HS6ST3: variants seen among roughly 807,000 people sequenced by gnomAD.
HS6ST3 encodes the protein heparan-sulfate 6-O-sulfotransferase 3.
A neutral mutation model predicts 36.7 loss-of-function variants in HS6ST3; 12 were observed. The ratio of observed to expected loss-of-function variants is 0.33; its 90% CI spans 0.21 to 0.53. HS6ST3 has a LOEUF of 0.53. Ranked by LOEUF, HS6ST3 falls within the 20% of genes least tolerant of loss-of-function variation. The pLI is 0.95. For synonymous variants in HS6ST3, 240 were observed against 257.5 expected (o/e 0.93, Z 0.65); for missense variants, 584 against 640.9 (o/e 0.91, Z 0.96).
At chr13:96,242,386 T>A (rs1467502451) in intron 1 of HS6ST3, among the ~76,000 whole-genome samples, 2 of 151,802 alleles carry the variant, frequency 1.3e-5, no homozygotes, top group Non-Finnish European at 2.9e-5. Flanking sequence ...CTGGATAATT[T>A]TTTGTCTTTT....
chr13:96,169,171 G>T (rs1159761803), intron 1 of HS6ST3, among the ~76,000 whole-genome samples: 1 of 152,098 alleles, frequency 6.6e-6, no homozygotes, highest in African/African-American at 2.4e-5. Context: ...TGAAGATTTT[G>T]CTGAGCTCTG....
At chr13:96,446,001 T>A (rs1038292059) in intron 1 of HS6ST3, among the ~76,000 whole-genome samples, 1 of 151,932 alleles carries the variant, frequency 6.6e-6, no homozygotes, top group Non-Finnish European at 1.5e-5. Flanking sequence ...TGAAACCCCG[T>A]CTCTACTAAA....
chr13:96,493,090 T>C (rs1015851464), intron 1 of HS6ST3, among the ~76,000 whole-genome samples: 1 of 152,222 alleles, frequency 6.6e-6, no homozygotes, highest in African/African-American at 2.4e-5. Flanking sequence ...TGTTTCTTGC[T>C]GTTTAGCTCA....
chr13:96,608,032 A>G (rs2056445035), intron 1 of HS6ST3, among the ~76,000 whole-genome samples: 2 of 152,194 alleles, frequency 1.3e-5, no homozygotes, highest in African/African-American at 4.8e-5. Flanking sequence ...AAAGTTGCCA[A>G]CTGAATTTGA....
intron 1 of HS6ST3, among the ~76,000 whole-genome samples, chr13:96,358,444 C>T (rs1456556439): frequency 1.3e-5 from 2 of 152,056 alleles, no homozygotes; most frequent in African/African-American, 2.4e-5. Context: ...TATGTTACAT[C>T]TGGTCTCATC....
At chr13:96,549,428 G>T (rs76557252) in intron 1 of HS6ST3, among the ~76,000 whole-genome samples, 1,826 of 152,238 alleles carry the variant, frequency 0.012, 19 homozygotes, top group Non-Finnish European at 0.019. Context: ...CAGTAGATTG[G>T]AATATTAAAT....
rs1443924737 is a variant in HS6ST3, at chr13:96,276,192, T to C, written c.707+184623T>C. ...CACTAGGAGTCAGAAGTAAATTTAC[T>C]ATCCCGCTTGTCTAAGCAGCCCACC... On this transcript the variant is annotated intron_variant, in intron 1 of 1. Coordinates refer to ENST00000376705, the MANE Select transcript of HS6ST3 (RefSeq NM_153456.4). Among the ~76,000 whole-genome samples the C allele has an allele frequency of 6.6e-5, 10 of 152,270 alleles. No individual in the cohort carries two copies. The East Asian group carries it at 9.6e-4, about 15-fold the overall frequency.
intron 1 of HS6ST3, among the ~76,000 whole-genome samples, chr13:96,248,542 A>C (rs954085430): frequency 6.6e-6 from 1 of 152,218 alleles, no homozygotes; most frequent in African/African-American, 2.4e-5. Context: ...TGTGTACTGC[A>C]TACAAACATA....
At chr13:96,829,631 C>G (rs1448204076) in intron 1 of HS6ST3, among the ~76,000 whole-genome samples, 2 of 152,180 alleles carry the variant, frequency 1.3e-5, no homozygotes, top group Non-Finnish European at 2.9e-5. Flanking sequence ...GCCTCCAACT[C>G]TATCCATGTC....
In HS6ST3 at chr13:96,644,654, G is replaced by A. The variant is rs544131070; in HGVS notation, c.708-187836G>A. Reference sequence around the variant, plus strand: ...TTCTTGGCAGAATGTGGTGAGGACTGGCTTCATAACATGCAGTCCGTGACT... The same window carrying A: ...TTCTTGGCAGAATGTGGTGAGGACTAGCTTCATAACATGCAGTCCGTGACT... On this transcript the variant is annotated intron_variant, in intron 1 of 1. Transcript: ENST00000376705. Among the ~76,000 whole-genome samples the A allele has an allele frequency of 8.8e-4, 134 of 152,038 alleles. 1 individual carries two copies. The highest frequency in any genetic ancestry group is 3.1e-3 in the African/African-American group (127 of 41,510).
chr13:96,567,488 A>T lies in HS6ST3; in HGVS notation c.708-265002A>T, dbSNP rs568478711. 1.2e-4 allele frequency among the ~76,000 whole-genome samples: 19 copies of T among 152,316 alleles called. No homozygotes were observed. The South Asian group carries it at 3.7e-3, about 30-fold the overall frequency. On this transcript the variant is annotated intron_variant, in intron 1 of 1. Transcript: ENST00000376705. ...GAAGTAATTTTGAGCTAAAAATTTTATATGCATCACTCTATTATATAATGA... is the reference window on the plus strand; with the variant it reads ...GAAGTAATTTTGAGCTAAAAATTTTTTATGCATCACTCTATTATATAATGA...
At chr13:96,299,663 A>C (rs1229893180) in intron 1 of HS6ST3, among the ~76,000 whole-genome samples, 1 of 152,184 alleles carries the variant, frequency 6.6e-6, no homozygotes, top group Non-Finnish European at 1.5e-5. Context: ...ATATATTTGC[A>C]CTTTAGCATG....
intron 1 of HS6ST3, among the ~76,000 whole-genome samples, chr13:96,456,998 T>C (rs2055757401): frequency 6.6e-6 from 1 of 152,144 alleles, no homozygotes; most frequent in African/African-American, 2.4e-5. Context: ...ATTTTAAATT[T>C]CTAGAATTTT....
chr13:96,282,334 A>G (rs2054779758), intron 1 of HS6ST3, among the ~76,000 whole-genome samples: 1 of 152,208 alleles, frequency 6.6e-6, no homozygotes, highest in Non-Finnish European at 1.5e-5. Flanking sequence ...CATTGGCAGA[A>G]GCATGACCTT....
intron 1 of HS6ST3, among the ~76,000 whole-genome samples, chr13:96,612,010 G>A (rs545247197): frequency 2.6e-5 from 4 of 152,282 alleles, no homozygotes; most frequent in Non-Finnish European, 4.4e-5. Context: ...GGGCTGACTC[G>A]TCCACCTAAG....
At chr13:96,686,493 C>T (rs1167307417) in intron 1 of HS6ST3, among the ~76,000 whole-genome samples, 2 of 151,952 alleles carry the variant, frequency 1.3e-5, no homozygotes, top group Admixed American at 6.6e-5. Flanking sequence ...CTAAGCACAT[C>T]TGAGAAGCTT....
At chr13:96,262,621 A>G (rs981236850) in intron 1 of HS6ST3, among the ~76,000 whole-genome samples, 1 of 152,222 alleles carries the variant, frequency 6.6e-6, no homozygotes, top group African/African-American at 2.4e-5. Flanking sequence ...CCGTCTACCC[A>G]TTCTGGGTTT....
At chr13:96,639,533 A>G (rs922795661) in intron 1 of HS6ST3, among the ~76,000 whole-genome samples, 3 of 150,044 alleles carry the variant, frequency 2.0e-5, no homozygotes, top group Admixed American at 6.8e-5. Flanking sequence ...AACTCAAAAG[A>G]GATTTAAAAA....
chr13:96,363,745 A>G (rs76687306), intron 1 of HS6ST3, among the ~76,000 whole-genome samples: 4,454 of 152,280 alleles, frequency 0.029, 250 homozygotes, highest in African/African-American at 0.1. Context: ...ATACTTCATC[A>G]GGTTATAGAT....
Sources: allele counts gnomAD v4.1 joint callset (sites outside exome capture counted in the v4.1 genomes callset), GRCh38; gene constraint gnomAD v4.1.1; transcripts MANE v1.5; gene names NCBI Gene and HGNC (gene_info 2026-07-23, HGNC 2026-07-21).